PCDH9: variants seen among roughly 807,000 people sequenced by gnomAD.
PCDH9 encodes protocadherin-9.
In PCDH9, 24 loss-of-function variants were observed where a neutral mutation model predicts 70.6. That is an observed-to-expected ratio of 0.34 (90% confidence interval 0.25 to 0.48). The LOEUF (loss-of-function observed/expected upper bound fraction) is 0.48, where lower values mean the gene tolerates loss of function less well. Among genes scored for constraint, PCDH9 ranks in the 20% least tolerant of loss-of-function variants. The pLI, the probability that PCDH9 is intolerant of heterozygous loss-of-function variation, is 0.99. For missense variants in PCDH9, 1,281 were observed against 1,503.6 expected, an observed-to-expected ratio of 0.85 and a Z score of 2.45; for synonymous variants, 562 against 558.5, an observed-to-expected ratio of 1.01 and a Z score of -0.09.
At chr13:66,663,254 G>A (rs1208861983) in intron 3 of PCDH9, among the ~76,000 whole-genome samples, 1 of 152,078 alleles carries the variant, frequency 6.6e-6, no homozygotes, top group African/African-American at 2.4e-5. Context: ...ACATAAAAAA[G>A]TATATTTATC....
At chr13:66,924,982 T>A (rs570748190) in intron 2 of PCDH9, among the ~76,000 whole-genome samples, 2 of 151,818 alleles carry the variant, frequency 1.3e-5, no homozygotes, top group South Asian at 2.1e-4. Context: ...AATATAAACA[T>A]GATTTTTTTT....
At chr13:66,500,811 A>T (rs1398652967) in intron 4 of PCDH9, among the ~76,000 whole-genome samples, 1 of 152,136 alleles carries the variant, frequency 6.6e-6, no homozygotes, top group Non-Finnish European at 1.5e-5. Flanking sequence ...TAATATCACC[A>T]TTAATATTCT....
intron 3 of PCDH9, among the ~76,000 whole-genome samples, chr13:66,861,834 T>A (rs1345507119): frequency 6.6e-6 from 1 of 152,170 alleles, no homozygotes; most frequent in African/African-American, 2.4e-5. Context: ...ACACTACCAT[T>A]AACAAAATCA....
In PCDH9 at chr13:66,631,407, T is replaced by C. The variant is rs770284088; in HGVS notation, c.3143A>G (p.Gln1048Arg). 1 of 1,600,132 alleles carries C rather than the reference T, an allele frequency of 6.2e-7. No homozygotes were observed. The highest frequency in any genetic ancestry group is 1.1e-5 in the South Asian group (1 of 90,788). ...AGGGAGATGAAACGTAACACGGCGC[T>C]GCGACTACAAAGAAGACCACAGGAC... The part of the protein sequence containing the change: ...QENEESHYES[Q>R]RRVTFHLPDG... Residue 1048 changes from glutamine (Q) to arginine (R), a missense_variant, in exon 4 of 5, where the codon CAG becomes CGG. This residue lies in a region of PCDH9 where 264 missense variants were observed against 278.8 expected (regional missense o/e 0.95). Coordinates refer to ENST00000377865, the MANE Select transcript of PCDH9 (RefSeq NM_203487.3).
chr13:67,150,059 T>A (rs186029753), intron 2 of PCDH9, among the ~76,000 whole-genome samples: 1 of 152,182 alleles, frequency 6.6e-6, no homozygotes, highest in African/African-American at 2.4e-5. Context: ...TATTTTTATT[T>A]TTTTGATATG....
chr13:66,865,213 A>G (rs1183909132), intron 3 of PCDH9, among the ~76,000 whole-genome samples: 1 of 152,202 alleles, frequency 6.6e-6, no homozygotes, highest in Non-Finnish European at 1.5e-5. Context: ...TTTGACCCTT[A>G]AGTATATTAC....
In PCDH9 at chr13:66,531,957, C is replaced by T. The variant is rs115818090; in HGVS notation, c.3340+99253G>A. ...TCTATACATCTCTAATTGCTGCTTG[C>T]ATTCTAAGACATTATTTGTGTTCTG... On this transcript the variant is annotated intron_variant, in intron 4 of 4. Coordinates refer to ENST00000377865, the MANE Select transcript of PCDH9 (RefSeq NM_203487.3). Among the ~76,000 whole-genome samples, 304 of 152,080 alleles carry T rather than the reference C, an allele frequency of 2.0e-3. 1 individual carries two copies. Among genetic ancestry groups the T allele is most frequent in the African/African-American group, 7.1e-3 (293 of 41,522 alleles).
At chr13:66,871,833 C>G (rs1008038225) in intron 3 of PCDH9, among the ~76,000 whole-genome samples, 2 of 151,978 alleles carry the variant, frequency 1.3e-5, no homozygotes, top group African/African-American at 2.4e-5. Context: ...ATTACCACCC[C>G]CCCCTCAACA....
At chr13:66,658,373 T>G (rs1427169882) in intron 3 of PCDH9, among the ~76,000 whole-genome samples, 1 of 152,188 alleles carries the variant, frequency 6.6e-6, no homozygotes, top group Non-Finnish European at 1.5e-5. Flanking sequence ...TATTTATGTG[T>G]CTGTTCCAGT....
At chr13:66,323,656 C>T (rs908200309) in intron 4 of PCDH9, 3 of 147,578 alleles carry the variant, frequency 2.0e-5, no homozygotes, top group African/African-American at 7.5e-5. Flanking sequence ...TATTTTGTTT[C>T]CTTTTATTGG....
chr13:66,467,618 C>T (rs1050672157), intron 4 of PCDH9, among the ~76,000 whole-genome samples: 5 of 151,964 alleles, frequency 3.3e-5, no homozygotes, highest in African/African-American at 1.2e-4. Flanking sequence ...CTCTAGATAC[C>T]TTCTGGAGTC....
At chr13:67,015,306 C>A (rs534859530) in intron 2 of PCDH9, among the ~76,000 whole-genome samples, 1 of 152,068 alleles carries the variant, frequency 6.6e-6, no homozygotes, top group East Asian at 1.9e-4. Context: ...GATATGTGGG[C>A]GAATGTGAAA....
At chr13:67,002,583 AC>A (rs916393703) in intron 2 of PCDH9, among the ~76,000 whole-genome samples, 1 of 151,728 alleles carries the variant, frequency 6.6e-6, no homozygotes, top group Non-Finnish European at 1.5e-5. Context: ...ATAAAAAAAA[AC>A]CCTCACCAAT....
intron 2 of PCDH9, among the ~76,000 whole-genome samples, chr13:67,008,375 A>C (rs923856238): frequency 6.6e-6 from 1 of 152,084 alleles, no homozygotes. Context: ...ACAATCTATA[A>C]AACTGTTGGT....
At position 66,451,751 on chromosome 13, in the gene PCDH9, A is replaced by T. The variant is rs189601797; in HGVS notation, c.3341-146723T>A. ...ATCTAGCTATCTGGCAAAGAAAAAT[A>T]AAACATAAAGATCTAATGTATACTA... On this transcript the variant is annotated intron_variant, in intron 4 of 4. Coordinates refer to ENST00000377865, the MANE Select transcript of PCDH9 (RefSeq NM_203487.3). Among the ~76,000 whole-genome samples, 803 of 152,330 alleles carry T rather than the reference A, an allele frequency of 5.3e-3. 3 individuals carry two copies. Among genetic ancestry groups the T allele is most frequent in the Middle Eastern group, 0.024 (7 of 294 alleles).
intron 4 of PCDH9, among the ~76,000 whole-genome samples, chr13:66,593,932 A>G (rs570057084): frequency 7.9e-5 from 5 of 63,020 alleles, no homozygotes; most frequent in Non-Finnish European, 1.4e-4. Context: ...ATTATTATAT[A>G]TAAAGTTTTT....
At chr13:66,747,150 G>T (rs1418701620) in intron 3 of PCDH9, among the ~76,000 whole-genome samples, 1 of 152,150 alleles carries the variant, frequency 6.6e-6, no homozygotes, top group Non-Finnish European at 1.5e-5. Context: ...AGGAGTTCAA[G>T]ACCAGTCTGG....
At chr13:66,637,730 G>A (rs886849022) in intron 3 of PCDH9, among the ~76,000 whole-genome samples, 4 of 142,222 alleles carry the variant, frequency 2.8e-5, no homozygotes, top group Admixed American at 7.5e-5. Context: ...TGGCTAACAC[G>A]GTGAAACCCT....
intron 2 of PCDH9, chr13:67,222,735 A>G (rs1186116729): frequency 6.6e-6 from 1 of 152,130 alleles, no homozygotes; most frequent in African/African-American, 2.4e-5. Flanking sequence ...GTAGCAAGAA[A>G]TGTTACTCTT....
Sources: allele counts gnomAD v4.1 joint callset (sites outside exome capture counted in the v4.1 genomes callset), GRCh38; gene constraint gnomAD v4.1.1; regional missense constraint gnomAD v4.1.1; transcripts MANE v1.5; gene names NCBI Gene and HGNC (gene_info 2026-07-23, HGNC 2026-07-21).